Variants in CALN1 observed in about 807,000 individuals in gnomAD.
CALN1 encodes calneuron 1.
A neutral mutation model predicts 30.6 loss-of-function variants in CALN1; 17 were observed. The observed-to-expected ratio is 0.56, with a 90% confidence interval of 0.38 to 0.83. CALN1 has a LOEUF of 0.83. CALN1 is among the 40% of genes least tolerant of loss of function. CALN1 has a pLI of 0.00. For synonymous variants in CALN1, 156 were observed against 131.4 expected (o/e 1.19, Z -1.28); for missense variants, 291 against 354.9 (o/e 0.82, Z 1.45).
chr7:71,961,352 C>G (rs1440276793), intron 5 of CALN1, among the ~76,000 whole-genome samples: 1 of 152,158 alleles, frequency 6.6e-6, no homozygotes, highest in Non-Finnish European at 1.5e-5. Context: ...ATAGAAATTT[C>G]CCTACCAAAT....
chr7:72,096,864 G>A (rs556519138), intron 4 of CALN1, among the ~76,000 whole-genome samples: 2 of 152,262 alleles, frequency 1.3e-5, no homozygotes, highest in South Asian at 2.1e-4. Flanking sequence ...GCACACATAT[G>A]TTTATTGTGG....
intron 4 of CALN1, among the ~76,000 whole-genome samples, chr7:72,041,371 C>T (rs771673501): frequency 6.6e-5 from 10 of 151,816 alleles, no homozygotes; most frequent in South Asian, 2.1e-4. Flanking sequence ...TCCCTGTCCC[C>T]GCCCAAATTT....
At chr7:72,172,694 C>G (rs905606881) in intron 3 of CALN1, among the ~76,000 whole-genome samples, 2 of 152,146 alleles carry the variant, frequency 1.3e-5, no homozygotes, top group Admixed American at 6.5e-5. Flanking sequence ...AAAATTCTTA[C>G]GACCATTTCA....
intron 6 of CALN1, among the ~76,000 whole-genome samples, chr7:71,798,857 C>A (rs1370099864): frequency 6.6e-6 from 1 of 152,008 alleles, no homozygotes; most frequent in South Asian, 2.1e-4. Flanking sequence ...AACTCCTGAC[C>A]TCGTGATCCA....
chr7:72,458,794 T>C, the CALN1 span, among the ~76,000 whole-genome samples: 4 of 129,392 alleles, frequency 3.1e-5, no homozygotes, highest in Non-Finnish European at 6.2e-5. Flanking sequence ...TATAACATTA[T>C]ATAATACATA....
chr7:72,085,855 A>G lies in CALN1; in HGVS notation c.388+20296T>C, dbSNP rs1044615783. On this transcript the variant is annotated intron_variant, in intron 4 of 6. Coordinates refer to ENST00000395275, the MANE Select transcript of CALN1 (RefSeq NM_031468.4). Reference sequence around the variant, plus strand: ...GAAGAAAACAAAGAAAAAATACAACAAACTAGAATAACTCCTAGCAGAATT... The same window carrying G: ...GAAGAAAACAAAGAAAAAATACAACGAACTAGAATAACTCCTAGCAGAATT... Among the ~76,000 whole-genome samples the G allele has an allele frequency of 2.0e-5, 3 of 152,330 alleles. No individual in the cohort carries two copies. In the East Asian group the frequency reaches 5.8e-4, roughly 29 times the overall value.
intron 5 of CALN1, among the ~76,000 whole-genome samples, chr7:71,932,932 C>T (rs929697496): frequency 7.9e-5 from 12 of 151,800 alleles, no homozygotes; most frequent in Non-Finnish European, 1.6e-4. Flanking sequence ...CCAGATAGGG[C>T]GCATGTCACA....
chr7:72,225,221 C>T (rs774611296), intron 3 of CALN1, among the ~76,000 whole-genome samples: 4 of 152,082 alleles, frequency 2.6e-5, no homozygotes, highest in Non-Finnish European at 5.9e-5. Flanking sequence ...CCGGGCTCGG[C>T]TTTCACGTCT....
intron 2 of CALN1, among the ~76,000 whole-genome samples, chr7:72,340,742 C>G (rs187706333): frequency 6.6e-6 from 1 of 152,308 alleles, no homozygotes; most frequent in East Asian, 1.9e-4. Flanking sequence ...TCCCATAATT[C>G]CCACATGTTG....
upstream of CALN1, among the ~76,000 whole-genome samples, chr7:72,448,183 C>G (rs1029429106): frequency 6.6e-6 from 1 of 152,236 alleles, no homozygotes; most frequent in African/African-American, 2.4e-5. Flanking sequence ...TACTTGCCCA[C>G]TTTTCCAGCC....
intron 3 of CALN1, among the ~76,000 whole-genome samples, chr7:72,208,560 TA>T (rs1300090807): frequency 6.6e-6 from 1 of 151,860 alleles, no homozygotes; most frequent in Non-Finnish European, 1.5e-5. Flanking sequence ...AAAAAAAGAG[TA>T]AAAAAATACA....
At position 71,978,318 on chromosome 7, in the gene CALN1, C is replaced by T. The variant is rs184229327; in HGVS notation, c.501+45339G>A. Among the ~76,000 whole-genome samples the T allele has an allele frequency of 9.3e-5, 12 of 128,972 alleles. No homozygotes were observed. In the South Asian group the frequency reaches 1.5e-3, roughly 17 times the overall value. The allele number at this position is 128,972 out of a possible 152,430, so 84.6% of individuals were successfully genotyped here. A position where few individuals can be genotyped will look rare whatever the true frequency, so the allele number is the denominator to read the frequency against. On this transcript the variant is annotated intron_variant, in intron 5 of 6. Coordinates refer to ENST00000395275, the MANE Select transcript of CALN1 (RefSeq NM_031468.4). Reference sequence around the variant, plus strand: ...GGGGAGTCTTGCTCTGTCACCCAGGCTGGAGGGCAATGGCGCTATCTCGGC... The same window carrying T: ...GGGGAGTCTTGCTCTGTCACCCAGGTTGGAGGGCAATGGCGCTATCTCGGC...
intron 1 of CALN1, among the ~76,000 whole-genome samples, chr7:72,437,997 T>C (rs959473583): frequency 1.3e-4 from 20 of 151,120 alleles, no homozygotes; most frequent in African/African-American, 4.1e-4. Context: ...CTTCTTGAGA[T>C]AGAGTCTCAG....
intron 5 of CALN1, among the ~76,000 whole-genome samples, chr7:71,897,972 CAAAAAAAAAA>C (rs1207497270): frequency 3.4e-5 from 2 of 59,044 alleles, no homozygotes; most frequent in Non-Finnish European, 5.4e-5. Flanking sequence ...AAACAAAAAA[CAAAAAAAAAA>C]AAAAAAAAAA....
intron 3 of CALN1, among the ~76,000 whole-genome samples, chr7:72,175,266 G>C (rs1789268790): frequency 6.6e-6 from 1 of 152,034 alleles, no homozygotes. Context: ...GTAGAGACAG[G>C]GTTTCACCGT....
chr7:71,975,124 A>G (rs1798040338), intron 5 of CALN1, among the ~76,000 whole-genome samples: 1 of 151,898 alleles, frequency 6.6e-6, no homozygotes, highest in African/African-American at 2.4e-5. Flanking sequence ...AGGGACAGAT[A>G]CTCTTCTCTG....
chr7:72,316,220 G>C (rs1177714160), intron 2 of CALN1, among the ~76,000 whole-genome samples: 1 of 151,960 alleles, frequency 6.6e-6, no homozygotes, highest in Non-Finnish European at 1.5e-5. Flanking sequence ...TTTTTCATTA[G>C]TGAAATCGAA....
chr7:72,295,339 C>T (rs1250637397), intron 2 of CALN1, among the ~76,000 whole-genome samples: 4 of 151,922 alleles, frequency 2.6e-5, no homozygotes, highest in Non-Finnish European at 4.4e-5. Context: ...TTTTAAATCA[C>T]AGAGTGTAGC....
chr7:71,951,348 T>C (rs1161029074), intron 5 of CALN1, among the ~76,000 whole-genome samples: 1 of 152,186 alleles, frequency 6.6e-6, no homozygotes, highest in Non-Finnish European at 1.5e-5. Flanking sequence ...CCCAGCACTT[T>C]GGGAGGCCGA....
Sources: allele counts gnomAD v4.1 joint callset (sites outside exome capture counted in the v4.1 genomes callset), GRCh38; gene constraint gnomAD v4.1.1; transcripts MANE v1.5; gene names NCBI Gene and HGNC (gene_info 2026-07-23, HGNC 2026-07-21).